Variants in MPDZ observed in about 807,000 individuals in gnomAD.
MPDZ encodes the protein multiple PDZ domain protein.
Under a neutral mutation model 239.1 loss-of-function variants are expected in MPDZ, and 234 were observed. The observed-to-expected ratio is 0.98, with a 90% CI of 0.88 to 1.09. MPDZ has a LOEUF of 1.09. Ranked by LOEUF, MPDZ falls within the 50% of genes least tolerant of loss-of-function variation. The probability of loss-of-function intolerance (pLI) is 0.00; values close to 1 mark genes in which losing one functional copy is unlikely to be tolerated. For missense variants in MPDZ, 3,175 were observed against 2,510.0 expected (o/e 1.26, Z -5.66); for synonymous variants, 1,048 against 881.3 (o/e 1.19, Z -3.35).
intron 34 of MPDZ, among the ~76,000 whole-genome samples, chr9:13,125,677 A>C (rs1217251668): frequency 6.6e-6 from 1 of 152,066 alleles, no homozygotes; most frequent in East Asian, 1.9e-4. Flanking sequence ...TACATCTCTA[A>C]TCTCATCCGT....
At position 13,110,082 on chromosome 9, in the gene MPDZ, A is replaced by C. The variant is rs752922275; in HGVS notation, c.5830-18T>G. 1 of 1,584,760 alleles carries C rather than the reference A, an allele frequency of 6.3e-7. No individual in the cohort carries two copies. Among genetic ancestry groups the C allele is most frequent in the African/African-American group, 1.3e-5 (1 of 74,158 alleles). On this transcript the variant is annotated intron_variant, in intron 44 of 46. Transcript: ENST00000319217. ...GCAACCACCTGCGCACAGGAGGAGG[A>C]TAAACAGAAAAAACACATGTTCCTG...
intron 14 of MPDZ, among the ~76,000 whole-genome samples, chr9:13,192,885 A>C (rs1286123419): frequency 6.6e-6 from 1 of 152,186 alleles, no homozygotes; most frequent in African/African-American, 2.4e-5. Context: ...TGAATGCGTT[A>C]CTTATTCTAA....
chr9:13,125,524 G>T, intron 34 of MPDZ, 134 bp from the exon 35 acceptor site: 1 of 761,714 alleles, frequency 1.3e-6, no homozygotes, highest in Non-Finnish European at 2.0e-6. Context: ...TTATTTCTTT[G>T]TCAGGACTTG....
chr9:13,126,475 G>T, intron 34 of MPDZ, 41 bp downstream of exon 34: 1 of 1,360,212 alleles, frequency 7.4e-7, no homozygotes, highest in South Asian at 1.3e-5. Context: ...CATGCCCAAG[G>T]ATGGGCCTAC....
Position 13,121,905 on chromosome 9 carries a change from T to C in MPDZ, c.5065A>G (p.Thr1689Ala). ...AGGACATTGATTGCTTCATCATGTG[T>C]GGCCTTTCTCAAGTCAATTCCATTC... ...EVNGIDLRKA[T>A]HDEAINVLRQ... is the part of the protein sequence containing the mutation. Residue 1689 changes from threonine to alanine, a missense_variant, in exon 38 of 47, where the codon ACA becomes GCA. By Grantham distance (58) the Thr-to-Ala change is moderately conservative. Transcript: ENST00000319217. 1 of 1,613,708 alleles carries C rather than the reference T, an allele frequency of 6.2e-7. No homozygotes were observed. The highest frequency in any genetic ancestry group is 8.5e-7 in the Non-Finnish European group (1 of 1,179,762).
rs1227525279 is a variant in MPDZ at position 13,126,754 on chromosome 9, TACCCAA to T, written c.4477_4482del (p.Leu1493_Gly1494del). ...AGTGTATCTTCTTCGCTGATAGCAA[TACCCAA>T]ACCCCCCTGATCCTAGAAAAGTAAA... On this transcript the variant is annotated inframe_deletion, in exon 33 of 47. Coordinates refer to ENST00000319217, the MANE Select transcript of MPDZ (RefSeq NM_001378778.1). 6.2e-7 allele frequency: 1 copy of T among 1,613,704 alleles called. No homozygotes were observed. Among genetic ancestry groups the T allele is most frequent in the Non-Finnish European group, 8.5e-7 (1 of 1,179,802 alleles).
intron 19 of MPDZ, among the ~76,000 whole-genome samples, chr9:13,180,984 T>C (rs1049146806): frequency 2.6e-5 from 4 of 152,204 alleles, no homozygotes; most frequent in Non-Finnish European, 4.4e-5. Context: ...GGCCTCCCTC[T>C]ATGAAGAGTC....
At chr9:13,253,852 C>A (rs1449968398) in intron 1 of MPDZ, among the ~76,000 whole-genome samples, 2 of 152,224 alleles carry the variant, frequency 1.3e-5, no homozygotes, top group African/African-American at 4.8e-5. Flanking sequence ...CAGCACCTAT[C>A]ACATGCTAGG....
At chr9:13,206,172 G>A (rs1655579071) in intron 10 of MPDZ, 73 bp from the exon 11 acceptor site, 10 of 1,361,764 alleles carry the variant, frequency 7.3e-6, no homozygotes, top group Non-Finnish European at 9.0e-6. Context: ...TTCACAAAAT[G>A]TGTATGTATA....
At chr9:13,204,198 T>C (rs1199251252) in intron 12 of MPDZ, among the ~76,000 whole-genome samples, 1 of 152,072 alleles carries the variant, frequency 6.6e-6, no homozygotes, top group East Asian at 1.9e-4. Context: ...TGAGTTTAAG[T>C]TACCAAGTAC....
chr9:13,203,729 CACACA>C (rs1564021677), intron 12 of MPDZ, among the ~76,000 whole-genome samples: 83 of 2,552 alleles, frequency 0.033, 1 homozygote, highest in South Asian at 0.24. Context: ...TGTATCCTGC[CACACA>C]CACACACACA....
intron 3 of MPDZ, among the ~76,000 whole-genome samples, chr9:13,240,711 C>G (rs1212357143): frequency 6.6e-6 from 1 of 150,652 alleles, no homozygotes; most frequent in South Asian, 2.1e-4. Context: ...AATTTCCTCA[C>G]TGGATAAAAT....
At chr9:13,159,635 G>A (rs778688885) in intron 23 of MPDZ, among the ~76,000 whole-genome samples, 15 of 152,094 alleles carry the variant, frequency 9.9e-5, no homozygotes, top group African/African-American at 1.4e-4. Flanking sequence ...AGGGGATGGG[G>A]GGAGGTCCTT....
At chr9:13,251,466 C>A (rs966516834) in intron 1 of MPDZ, among the ~76,000 whole-genome samples, 2 of 152,168 alleles carry the variant, frequency 1.3e-5, no homozygotes, top group Non-Finnish European at 2.9e-5. Context: ...TGCTGCCGAA[C>A]AAATCTGCAC....
rs774590252 is a variant in MPDZ at position 13,236,245 on chromosome 9, G to GTATATATATA, written c.183+11389_183+11390insTATATATATA. Among the ~76,000 whole-genome samples the GTATATATATA allele has an allele frequency of 1.5e-3, 20 of 13,464 alleles. 2 individuals are homozygous for GTATATATATA. The highest frequency in any genetic ancestry group is 0.026 in the East Asian group (2 of 78). 8.8% of individuals were successfully genotyped at this position (13,464 alleles called of 152,430 possible). On this transcript the variant is annotated intron_variant, in intron 3 of 46. Transcript: ENST00000319217. Reference sequence around the variant, plus strand: ...TGTGTGTATATGTATATGTGTGTGTGTGTGTATATATATATATATATATTT... The same window carrying GTATATATATA: ...TGTGTGTATATGTATATGTGTGTGTGTATATATATATGTGTATATATATATATATATATTT...
chr9:13,136,755 T>C lies in MPDZ; in HGVS notation c.4249A>G (p.Ile1417Val), dbSNP rs1239492493. ...ACTTTAGAAGGGGCACATTTAATGA[T>C]TGATGAGGCATTCTGATGACTTCTT... ...YGRSHQNASS[I>V]IKCAPSKVKI... The change falls in exon 30 of 47, where the codon ATC becomes GTC. Residue 1417 changes from isoleucine to valine, a missense_variant. Coordinates refer to ENST00000319217, the MANE Select transcript of MPDZ (RefSeq NM_001378778.1). 4.4e-6 allele frequency: 7 copies of C among 1,603,714 alleles called. No homozygotes were observed. In the African/African-American group the frequency reaches 5.3e-5, roughly 12 times the overall value.
Position 13,114,136 on chromosome 9 carries a change from G to A in MPDZ, c.5467-115C>T, listed in dbSNP as rs1024069952. 23 of 801,590 alleles carry A rather than the reference G, an allele frequency of 2.9e-5. 1 individual carries two copies. The highest frequency in any genetic ancestry group is 4.4e-4 in the Middle Eastern group (2 of 4,512). The allele number at this position is 801,590 out of a possible 1,614,324, so 49.7% of individuals were successfully genotyped here. A position where few individuals can be genotyped will look rare whatever the true frequency, so the allele number is the denominator to read the frequency against. On this transcript the variant is annotated intron_variant, in intron 40 of 46. Transcript: ENST00000319217. ...TACCTGTTAAGCAACAGTGGCATTT[G>A]ATAATTTGATGAGCAATTTAAACAC...
At chr9:13,242,829 A>T (rs1360865054) in intron 3 of MPDZ, among the ~76,000 whole-genome samples, 1 of 152,134 alleles carries the variant, frequency 6.6e-6, no homozygotes, top group Non-Finnish European at 1.5e-5. Flanking sequence ...TTGCTGTAGG[A>T]GGCTGTGCTG....
At chr9:13,159,095 A>G (rs1950163970) in intron 23 of MPDZ, among the ~76,000 whole-genome samples, 1 of 152,194 alleles carries the variant, frequency 6.6e-6, no homozygotes, top group Non-Finnish European at 1.5e-5. Flanking sequence ...TGACAGGAAT[A>G]CTGAACTGTC....
Sources: gnomAD v4.1 joint callset for allele counts (sites outside exome capture counted in the v4.1 genomes callset) on GRCh38, gnomAD v4.1.1 for gene constraint, MANE v1.5 for transcripts, NCBI Gene and HGNC (gene_info 2026-07-23, HGNC 2026-07-21) for gene names.